The following DNAH5 variants were observed in gnomAD, a reference collection of about 807,000 sequenced individuals.
DNAH5 encodes the protein axonemal beta dynein heavy chain 5.
Under a neutral mutation model 518.2 loss-of-function variants are expected in DNAH5, and 372 were observed. The ratio of observed to expected loss-of-function variants is 0.72; its 90% CI spans 0.66 to 0.78. DNAH5 has a LOEUF of 0.78. Among genes scored for constraint, DNAH5 ranks in the 30% least tolerant of loss-of-function variants. DNAH5 has a pLI of 0.00. For synonymous variants in DNAH5, 2,039 were observed against 2,025.9 expected, an observed-to-expected ratio of 1.01 and a Z score of -0.17; for missense variants, 5,523 against 5,687.0, an observed-to-expected ratio of 0.97 and a Z score of 0.93.
At chr5:13,977,611 C>T (rs1054366794) in intron 1 of DNAH5, among the ~76,000 whole-genome samples, 3 of 152,116 alleles carry the variant, frequency 2.0e-5, no homozygotes, top group African/African-American at 7.2e-5. Context: ...CTCCCCCTTT[C>T]TTGCCTCACT....
At chr5:13,928,741 T>C (rs1778124861) in intron 2 of DNAH5, among the ~76,000 whole-genome samples, 1 of 152,190 alleles carries the variant, frequency 6.6e-6, no homozygotes, top group Non-Finnish European at 1.5e-5. Context: ...ACACTTCTTT[T>C]AAATAGTCAA....
At chr5:13,719,224 T>C (rs1744721501) in intron 71 of DNAH5, 123 bp from the exon 72 acceptor site, 1 of 840,018 alleles carries the variant, frequency 1.2e-6, no homozygotes, top group South Asian at 1.5e-5. Context: ...TTTAAATTAA[T>C]CCAGGTCAAA....
At chr5:13,847,238 G>T (rs1230383945) in intron 31 of DNAH5, among the ~76,000 whole-genome samples, 3 of 152,028 alleles carry the variant, frequency 2.0e-5, no homozygotes, top group East Asian at 3.9e-4. Context: ...TTTCTCAAAT[G>T]TCTATACAAG....
chr5:13,753,251 T>G lies in DNAH5; in HGVS notation c.10854A>C (p.Glu3618Asp). 6.2e-7 allele frequency: 1 copy of G among 1,613,846 alleles called. No individual in the cohort carries two copies. Among genetic ancestry groups the G allele is most frequent in the Admixed American group, 1.7e-5 (1 of 60,016 alleles). Residue 3618 changes from glutamate (E) to aspartate (D), a missense_variant, in exon 63 of 79, where the codon GAA (glutamate) becomes GAC (aspartate). By Grantham distance (45) the Glu-to-Asp change is conservative (BLOSUM62 2). Coordinates refer to ENST00000265104, the MANE Select transcript of DNAH5 (RefSeq NM_001369.3). ...TQGKIWIKNK[E>D]SRNELQITSL... ...AAATTACCTGGAGTTCATTTCGGCT[T>G]TCTTTATTTTTAATCCAGATCTTGC...
At chr5:13,921,877 A>T (rs1777339856) in intron 5 of DNAH5, among the ~76,000 whole-genome samples, 1 of 152,048 alleles carries the variant, frequency 6.6e-6, no homozygotes, top group South Asian at 2.1e-4. Context: ...AAGCCCTACA[A>T]CACTGCCAAC....
At chr5:13,844,089 G>A (rs928822699) in intron 32 of DNAH5, among the ~76,000 whole-genome samples, 5 of 152,176 alleles carry the variant, frequency 3.3e-5, no homozygotes, top group African/African-American at 7.2e-5. Flanking sequence ...ACTGGGCTCT[G>A]AAGGCTACTT....
chr5:13,804,042 T>G (rs182327218), intron 47 of DNAH5, among the ~76,000 whole-genome samples: 18 of 146,170 alleles, frequency 1.2e-4, no homozygotes, highest in African/African-American at 4.7e-4. Context: ...TCTTTTCACC[T>G]TCTTGTATTG....
intron 1 of DNAH5, among the ~76,000 whole-genome samples, chr5:14,005,886 T>C (rs1200289703): frequency 6.6e-6 from 1 of 152,210 alleles, no homozygotes; most frequent in Non-Finnish European, 1.5e-5. Context: ...TGGACAGGGC[T>C]GGCAGAATGA....
intron 1 of DNAH5, among the ~76,000 whole-genome samples, chr5:13,970,941 T>A (rs1781819817): frequency 6.6e-6 from 1 of 152,190 alleles, no homozygotes; most frequent in Non-Finnish European, 1.5e-5. Flanking sequence ...GGTTTGGCAG[T>A]TTAACATAAT....
At chr5:14,001,206 GGGT>G (rs1467092039) in intron 1 of DNAH5, among the ~76,000 whole-genome samples, 15 of 152,256 alleles carry the variant, frequency 9.9e-5, no homozygotes, top group African/African-American at 3.6e-4. Context: ...CTCAGTACCT[GGGT>G]GAAGGATTCA....
At chr5:13,695,668 A>T (rs1315509021) in intron 78 of DNAH5, among the ~76,000 whole-genome samples, 4 of 152,142 alleles carry the variant, frequency 2.6e-5, no homozygotes, top group South Asian at 4.1e-4. Flanking sequence ...CATCTGCAAA[A>T]TGAGGATGAC....
rs922942131 is a variant in DNAH5 at position 13,832,540 on chromosome 5, A to C, written c.5883-1765T>G. Among the ~76,000 whole-genome samples the C allele has an allele frequency of 1.6e-4, 25 of 152,174 alleles. 1 individual carries two copies. Among genetic ancestry groups the C allele is most frequent in the Admixed American group, 3.3e-4 (5 of 15,280 alleles). ...TCTAGTCTATCTATTGGCTATTTTC[A>C]AAACCGTTTCCATTCATGAACAGGG... On this transcript the variant is annotated intron_variant, in intron 35 of 78. Transcript: ENST00000265104.
intron 52 of DNAH5, among the ~76,000 whole-genome samples, chr5:13,783,856 G>A (rs893761327): frequency 2.0e-5 from 3 of 152,190 alleles, no homozygotes; most frequent in South Asian, 4.1e-4. Flanking sequence ...GCGTGGAAGC[G>A]CTGTGCACAG....
intron 28 of DNAH5, among the ~76,000 whole-genome samples, chr5:13,864,109 GAAC>G (rs1252905554): frequency 6.6e-6 from 1 of 152,206 alleles, no homozygotes. Flanking sequence ...GGCTTTCACA[GAAC>G]AACATACATT....
chr5:13,802,044 C>A (rs1351590258), intron 47 of DNAH5, among the ~76,000 whole-genome samples: 1 of 152,012 alleles, frequency 6.6e-6, no homozygotes, highest in Non-Finnish European at 1.5e-5. Flanking sequence ...AATGTCACTT[C>A]TGTCAATCCA....
At position 13,850,787 on chromosome 5, in the gene DNAH5, T is replaced by G; in HGVS notation, c.4979A>C (p.Lys1660Thr). The G allele has an allele frequency of 6.2e-7, 1 of 1,614,180 alleles. No homozygotes were observed. Among genetic ancestry groups the G allele is most frequent in the Non-Finnish European group, 8.5e-7 (1 of 1,180,012 alleles). Residue 1660 changes from lysine (K) to threonine (T), a missense_variant, in exon 31 of 79, where the codon AAA becomes ACA. Physicochemically the swap from Lys to Thr is moderately conservative, Grantham distance 78. Coordinates refer to ENST00000265104, the MANE Select transcript of DNAH5 (RefSeq NM_001369.3). Reference sequence around the variant, plus strand: ...CCGAGTCATGATCTTCACCCAAGATTTATCTATGTTAGAAAACCGCTTGGC... The same window carrying G: ...CCGAGTCATGATCTTCACCCAAGATGTATCTATGTTAGAAAACCGCTTGGC... ...KEAKRFSNIDKSWVKIMTRAH... is the reference protein window; with the variant it reads ...KEAKRFSNIDTSWVKIMTRAH...
intron 1 of DNAH5, among the ~76,000 whole-genome samples, chr5:13,966,855 T>C (rs1781561011): frequency 6.6e-6 from 1 of 152,152 alleles, no homozygotes. Flanking sequence ...TTGTTTTTTG[T>C]TTTTTGCTTT....
At chr5:13,771,808 A>G (rs1026329760) in intron 55 of DNAH5, among the ~76,000 whole-genome samples, 2 of 152,236 alleles carry the variant, frequency 1.3e-5, no homozygotes, top group Non-Finnish European at 1.5e-5. Flanking sequence ...ACCTATGTAT[A>G]TAAGTATTGT....
chr5:13,737,451 T>C lies in DNAH5; in HGVS notation c.11256A>G (p.Ala3752=), dbSNP rs1747688046. The change falls in exon 66 of 79, where the codon GCA becomes GCG. Residue 3752 remains alanine, a synonymous_variant. Coordinates refer to ENST00000265104, the MANE Select transcript of DNAH5 (RefSeq NM_001369.3). ...ERTHLMEDVT[A]NKRRMKELED... ...CTAGTTCCTTCATCCTTCTTTTGTT[T>C]GCAGTTACATCTTCCATCAGATGAG... 1.2e-6 allele frequency: 2 copies of C among 1,614,152 alleles called. No individual in the cohort carries two copies. Among genetic ancestry groups the C allele is most frequent in the Non-Finnish European group, 1.7e-6 (2 of 1,179,972 alleles).
Sources: gnomAD v4.1 joint callset for allele counts (sites outside exome capture counted in the v4.1 genomes callset) on GRCh38, gnomAD v4.1.1 for gene constraint, MANE v1.5 for transcripts, NCBI Gene and HGNC (gene_info 2026-07-23, HGNC 2026-07-21) for gene names.